The following ENTREP3 variants were observed in gnomAD, a reference collection of about 807,000 sequenced individuals.
ENTREP3 encodes the protein endosomal transmembrane epsin interactor 3.
At chr1:155,250,484 G>T in the ENTREP3 span, 1 of 1,484,590 alleles carries the variant, frequency 6.7e-7, no homozygotes, top group Non-Finnish European at 8.9e-7. The surrounding 1 kb of genome is among the most constrained non-coding windows in gnomAD (Gnocchi z 5.4). Context: ...CGGGGAAGCA[G>T]GGTCCCACCC....
At chr1:155,249,930 C>T in the ENTREP3 span, among the ~76,000 whole-genome samples, 6 of 149,666 alleles carry the variant, frequency 4.0e-5, no homozygotes, top group African/African-American at 1.5e-4. Flanking sequence ...TGGTGGCGCA[C>T]ACCTGTAGTC....
chr1:155,251,989 A>G, the ENTREP3 span: 40 of 1,016,804 alleles, frequency 3.9e-5, no homozygotes, highest in African/African-American at 3.4e-5. Context: ...TCTCATCTAC[A>G]TTATTTTTTC....
At chr1:155,247,598 T>C in the ENTREP3 span, 1 of 729,590 alleles carries the variant, frequency 1.4e-6, no homozygotes, top group South Asian at 1.5e-5. Context: ...ACAGAAGCTC[T>C]CCCAGTCCAG....
At chr1:155,249,650 C>T in the ENTREP3 span, among the ~76,000 whole-genome samples, 1 of 151,856 alleles carries the variant, frequency 6.6e-6, no homozygotes, top group Non-Finnish European at 1.5e-5. Context: ...GAGGCCGAGG[C>T]GGGCAGATCA....
the ENTREP3 span, chr1:155,251,757 C>T: frequency 6.2e-7 from 1 of 1,610,820 alleles, no homozygotes; most frequent in African/African-American, 1.3e-5. Flanking sequence ...TTCTGAGCTG[C>T]AGGTATACTC....
the ENTREP3 span, chr1:155,255,226 C>CT: frequency 2.5e-6 from 1 of 397,422 alleles, no homozygotes; most frequent in Non-Finnish European, 4.6e-6. The surrounding 1 kb of genome is among the most constrained non-coding windows in gnomAD (Gnocchi z 5.6). Context: ...CGGCCTGGAG[C>CT]CCAGGGAGGG....
At chr1:155,254,302 C>G in the ENTREP3 span, 1 of 1,517,798 alleles carries the variant, frequency 6.6e-7, no homozygotes, top group Non-Finnish European at 9.2e-7. This position sits in a 1 kb window ranked among gnomAD's most constrained non-coding sequence, Gnocchi z 4.4. Flanking sequence ...CCGGCTGGCA[C>G]CAACTGGGGA....
chr1:155,251,633 G>C, the ENTREP3 span: 1 of 1,606,486 alleles, frequency 6.2e-7, no homozygotes, highest in Non-Finnish European at 8.5e-7. Flanking sequence ...CAATGTAGGA[G>C]AAATAATTCC....
chr1:155,254,392 G>A, the ENTREP3 span: 76 of 1,613,974 alleles, frequency 4.7e-5, no homozygotes, highest in Admixed American at 6.5e-4. The surrounding 1 kb of genome is among the most constrained non-coding windows in gnomAD (Gnocchi z 4.4). Context: ...CTGGACCCTG[G>A]CACCTACCAC....
chr1:155,248,372 C>T, the ENTREP3 span: 91 of 1,614,006 alleles, frequency 5.6e-5, no homozygotes, highest in South Asian at 5.7e-4. Flanking sequence ...CATGCCCAAT[C>T]CCCATCCCTG....
At chr1:155,254,117 A>G in the ENTREP3 span, 1 of 1,614,110 alleles carries the variant, frequency 6.2e-7, no homozygotes, top group Non-Finnish European at 8.5e-7. The surrounding 1 kb of genome is among the most constrained non-coding windows in gnomAD (Gnocchi z 4.4). Flanking sequence ...GGGCCAGTTG[A>G]GCATTCTTAC....
At chr1:155,247,719 G>T in the ENTREP3 span, 1 of 1,393,530 alleles carries the variant, frequency 7.2e-7, no homozygotes, top group Non-Finnish European at 9.6e-7. Flanking sequence ...GATGCTGGGG[G>T]CTGCTGGTCC....
the ENTREP3 span, chr1:155,252,952 G>C: frequency 3.3e-5 from 5 of 150,890 alleles, no homozygotes; most frequent in Admixed American, 3.3e-4. Context: ...CTGTCGCCCA[G>C]GCTGGAGTGC....
At chr1:155,251,945 G>A in the ENTREP3 span, 2 of 1,374,074 alleles carry the variant, frequency 1.5e-6, no homozygotes, top group South Asian at 1.7e-5. Context: ...CTGGATTCTG[G>A]GAATACAGCT....
At chr1:155,251,287 G>T in the ENTREP3 span, 1 of 828,262 alleles carries the variant, frequency 1.2e-6, no homozygotes, top group Non-Finnish European at 1.9e-6. Flanking sequence ...ACTTAATTGT[G>T]CAGCCTCAGC....
the ENTREP3 span, chr1:155,251,736 T>C: frequency 1.2e-6 from 2 of 1,611,962 alleles, no homozygotes; most frequent in Admixed American, 1.7e-5. Context: ...GCCTTACCTC[T>C]GTGCATCTGT....
the ENTREP3 span, chr1:155,253,574 C>A: frequency 7.4e-5 from 99 of 1,329,546 alleles, no homozygotes; most frequent in Non-Finnish European, 1.0e-4. Flanking sequence ...TCAGCACACA[C>A]ACCCCTGCCC....
the ENTREP3 span, chr1:155,253,807 C>G: frequency 6.2e-7 from 1 of 1,611,204 alleles, no homozygotes; most frequent in Non-Finnish European, 8.5e-7. Context: ...AGTACCCCAG[C>G]AGGGGAGGCA....
the ENTREP3 span, among the ~76,000 whole-genome samples, chr1:155,252,484 C>T: frequency 6.6e-6 from 1 of 150,534 alleles, no homozygotes; most frequent in East Asian, 2.0e-4. Context: ...ATTCTCCAGC[C>T]TCAGTCTTCC....
Sources: allele counts gnomAD v4.1 joint callset (sites outside exome capture counted in the v4.1 genomes callset), GRCh38; gene constraint gnomAD v4.1.1; non-coding constraint Gnocchi (gnomAD v3.1); transcripts MANE v1.5; gene names NCBI Gene and HGNC (gene_info 2026-07-23, HGNC 2026-07-21).